JAK1: variants seen among roughly 807,000 people sequenced by gnomAD.
The protein encoded by JAK1 is Janus kinase 1, also known as tyrosine-protein kinase JAK1.
JAK1 carries 16 observed loss-of-function variants against 136.6 expected under a neutral mutation model. That is an observed-to-expected ratio of 0.12 (90% CI 0.08 to 0.18). JAK1 has a LOEUF of 0.18. JAK1 is among the 10% of genes least tolerant of loss of function. The probability of loss-of-function intolerance (pLI) is 1.00; values close to 1 mark genes in which losing one functional copy is unlikely to be tolerated. For missense variants in JAK1, 859 were observed against 1,450.1 expected, an observed-to-expected ratio of 0.59 and a Z score of 6.62; for synonymous variants, 492 against 519.5, an observed-to-expected ratio of 0.95 and a Z score of 0.72.
rs529226134 is a variant in JAK1 at position 65,049,112 on chromosome 1, A to T, written c.-180-4530T>A. Among the ~76,000 whole-genome samples, 7 of 152,190 alleles carry T rather than the reference A, an allele frequency of 4.6e-5. 1 individual carries two copies. The East Asian group carries it at 1.4e-3, about 29-fold the overall frequency. The stretch of plus-strand genomic sequence containing the variant: ...GCCCCTTCCAGGGGCAGCTGTAACC[A>T]CCTGGACTTCAAAAGGAGTAAGGGC... On this transcript the variant is annotated intron_variant, in intron 1 of 25. Coordinates refer to the JAK1 transcript ENST00000671954.
intron 1 of JAK1, among the ~76,000 whole-genome samples, chr1:64,946,643 GT>G (rs1334181555): frequency 6.6e-6 from 1 of 152,124 alleles, no homozygotes; most frequent in African/African-American, 2.4e-5. Flanking sequence ...ACCAAAAAGA[GT>G]TAATTACGGG....
chr1:64,958,249 T>C (rs184025485), intron 1 of JAK1, among the ~76,000 whole-genome samples: 2 of 152,298 alleles, frequency 1.3e-5, no homozygotes, highest in East Asian at 3.9e-4. Context: ...CAATTTATGT[T>C]TGGGCCAATA....
chr1:64,917,479 G>A (rs1645418979), intron 1 of JAK1, among the ~76,000 whole-genome samples: 1 of 152,222 alleles, frequency 6.6e-6, no homozygotes, highest in Non-Finnish European at 1.5e-5. Flanking sequence ...CAACACAAAA[G>A]CTGTGGCCAG....
chr1:65,015,443 A>G (rs1646884833), intron 2 of JAK1, among the ~76,000 whole-genome samples: 1 of 152,182 alleles, frequency 6.6e-6, no homozygotes, highest in Admixed American at 6.5e-5. Context: ...AATAATAAAG[A>G]CAGAATATAG....
At chr1:64,930,476 C>T (rs144756108) in intron 1 of JAK1, among the ~76,000 whole-genome samples, 3,250 of 151,988 alleles carry the variant, frequency 0.021, 118 homozygotes, top group African/African-American at 0.072. Context: ...GTCAGAATGG[C>T]GATCATTAAA....
At chr1:65,046,161 A>G (rs1288195264) in intron 1 of JAK1, among the ~76,000 whole-genome samples, 1 of 152,246 alleles carries the variant, frequency 6.6e-6, no homozygotes, top group Non-Finnish European at 1.5e-5. Context: ...ATTATTTTTC[A>G]TAATCATCAG....
chr1:64,880,604 A>C (rs1644755190), intron 3 of JAK1, among the ~76,000 whole-genome samples: 1 of 152,256 alleles, frequency 6.6e-6, no homozygotes, highest in African/African-American at 2.4e-5. Flanking sequence ...AAAAGTACTG[A>C]GTAGTAAAAC....
chr1:64,972,379 T>C (rs555006075), intron 2 of JAK1: 6 of 152,108 alleles, frequency 3.9e-5, no homozygotes, highest in Non-Finnish European at 8.8e-5. Flanking sequence ...AGTGTAGATT[T>C]GTGGAAACTG....
intron 1 of JAK1, among the ~76,000 whole-genome samples, chr1:64,952,343 C>T (rs1646106749): frequency 1.3e-5 from 2 of 152,104 alleles, no homozygotes; most frequent in South Asian, 2.1e-4. Flanking sequence ...ACTTAAAAGC[C>T]GGGTACCTTT....
chr1:65,019,070 G>C (rs748899997), intron 2 of JAK1, among the ~76,000 whole-genome samples: 7 of 152,008 alleles, frequency 4.6e-5, no homozygotes, highest in Non-Finnish European at 1.0e-4. Flanking sequence ...ACAATCCTAT[G>C]ATCATTAAAT....
At chr1:64,937,343 G>T (rs951842927) in intron 1 of JAK1, among the ~76,000 whole-genome samples, 1 of 152,168 alleles carries the variant, frequency 6.6e-6, no homozygotes, top group Admixed American at 6.5e-5. Context: ...ATCATCTCAT[G>T]CTCGGGCCAC....
intron 1 of JAK1, among the ~76,000 whole-genome samples, chr1:64,935,473 T>C (rs2100478970): frequency 6.6e-6 from 1 of 152,298 alleles, no homozygotes; most frequent in East Asian, 1.9e-4. Flanking sequence ...CTAATTTTTG[T>C]ATTTTTTAGT....
chr1:64,913,971 G>A (rs1645347438), intron 1 of JAK1, among the ~76,000 whole-genome samples: 2 of 152,286 alleles, frequency 1.3e-5, no homozygotes, highest in South Asian at 4.2e-4. Context: ...AGGGTGCGTT[G>A]GGGGGTGAGT....
chr1:65,000,122 C>T (rs1413304880), intron 2 of JAK1, among the ~76,000 whole-genome samples: 1 of 151,758 alleles, frequency 6.6e-6, no homozygotes, highest in African/African-American at 2.4e-5. Context: ...TCCCGAGTAG[C>T]TGGGATTACA....
intron 13 of JAK1, among the ~76,000 whole-genome samples, 157 bp downstream of exon 13, chr1:64,847,375 C>G (rs976374313): frequency 2.0e-5 from 3 of 152,066 alleles, no homozygotes; most frequent in Non-Finnish European, 4.4e-5. Flanking sequence ...CATGCAGGGT[C>G]CACTAAGATC....
At chr1:64,942,089 A>G (rs1645900543) in intron 1 of JAK1, 1 of 152,282 alleles carries the variant, frequency 6.6e-6, no homozygotes, top group Non-Finnish European at 1.5e-5. Flanking sequence ...ATTAGAGGAA[A>G]AGATGATGTC....
At chr1:64,930,395 A>G (rs1645668462) in intron 1 of JAK1, among the ~76,000 whole-genome samples, 1 of 151,618 alleles carries the variant, frequency 6.6e-6, no homozygotes, top group Non-Finnish European at 1.5e-5. Flanking sequence ...AACATAGGGG[A>G]AAAAAGCTCA....
intron 1 of JAK1, among the ~76,000 whole-genome samples, chr1:64,945,277 A>G (rs1557713858): frequency 6.6e-6 from 1 of 152,186 alleles, no homozygotes. Flanking sequence ...AAAAGGTACT[A>G]ACCCCATGGG....
At chr1:64,836,270 A>G (rs1030050457) in intron 22 of JAK1, 55 bp from the exon 23 acceptor site, 70 of 962,950 alleles carry the variant, frequency 7.3e-5, no homozygotes, top group Non-Finnish European at 8.9e-5. Flanking sequence ...ACTCCATCCG[A>G]CATTACAGGA....
Sources: gnomAD v4.1 joint callset for allele counts (sites outside exome capture counted in the v4.1 genomes callset) on GRCh38, gnomAD v4.1.1 for gene constraint, MANE v1.5 for transcripts, NCBI Gene and HGNC (gene_info 2026-07-23, HGNC 2026-07-21) for gene names.